The following TENM4 variants were observed in gnomAD, a reference collection of about 807,000 sequenced individuals.
TENM4 encodes the protein teneurin-4.
Under a neutral mutation model 243.3 loss-of-function variants are expected in TENM4, and 82 were observed. That is an observed-to-expected ratio of 0.34 (90% confidence interval 0.28 to 0.40). TENM4 has a LOEUF of 0.40. Among genes scored for constraint, TENM4 ranks in the 10% least tolerant of loss-of-function variants. TENM4 has a pLI of 1.00. For missense variants in TENM4, 3,138 were observed against 3,673.3 expected (o/e 0.85, Z 3.77); for synonymous variants, 1,412 against 1,456.3 (o/e 0.97, Z 0.69).
chr11:79,411,741 A>C (rs1019977271), intron 1 of TENM4, among the ~76,000 whole-genome samples: 2 of 152,146 alleles, frequency 1.3e-5, no homozygotes, highest in African/African-American at 4.8e-5. Context: ...CACAGTTGTA[A>C]GCTCAGGAAG....
At chr11:79,038,372 C>T (rs76565741) in intron 6 of TENM4, among the ~76,000 whole-genome samples, 3,172 of 152,318 alleles carry the variant, frequency 0.021, 114 homozygotes, top group African/African-American at 0.072. Flanking sequence ...GCAAACTCCT[C>T]CTCTGGGACT....
At chr11:79,306,519 G>A (rs773548422) in intron 1 of TENM4, among the ~76,000 whole-genome samples, 8 of 152,186 alleles carry the variant, frequency 5.3e-5, no homozygotes, top group Non-Finnish European at 1.0e-4. Flanking sequence ...GAAGACCAGG[G>A]CAAGATAGGT....
chr11:78,792,693 T>C (rs538945853), intron 15 of TENM4, among the ~76,000 whole-genome samples: 7 of 152,310 alleles, frequency 4.6e-5, no homozygotes, highest in South Asian at 4.2e-4. Flanking sequence ...AAAGCTTTAA[T>C]GGAAGAGGTG....
chr11:79,369,437 C>T (rs1352978638), intron 1 of TENM4, among the ~76,000 whole-genome samples: 17 of 152,134 alleles, frequency 1.1e-4, no homozygotes. Flanking sequence ...TTTACCCTTC[C>T]CAAGGACCAG....
intron 4 of TENM4, among the ~76,000 whole-genome samples, chr11:79,100,645 C>T (rs1382632714): frequency 6.6e-6 from 1 of 152,124 alleles, no homozygotes; most frequent in Non-Finnish European, 1.5e-5. Context: ...CAGTAAATAT[C>T]TGTAGAAGCA....
chr11:78,812,302 G>A lies in TENM4; in HGVS notation c.1798C>T (p.Leu600Phe). 7 of 1,551,702 alleles carry A rather than the reference G, an allele frequency of 4.5e-6. No homozygotes were observed. Among genetic ancestry groups the A allele is most frequent in the Non-Finnish European group, 6.1e-6 (7 of 1,146,942 alleles). Residue 600 changes from leucine (L) to phenylalanine (F), a missense_variant, in exon 14 of 34, where the codon CTC (leucine) becomes TTC (phenylalanine). By Grantham distance (22) the Leu-to-Phe change is conservative (BLOSUM62 0). This residue lies in a region of TENM4 where 2,467 missense variants were observed against 3,059.1 expected (regional missense o/e 0.81). Coordinates refer to ENST00000278550, the MANE Select transcript of TENM4 (RefSeq NM_001098816.3). ...PDCGRASCPV[L>F]CSGNGQYMKG... ...ATGTATTGGCCATTTCCGCTACAGA[G>A]CACGGGGCAGGAGGCTGGGGAGACA...
intron 1 of TENM4, chr11:79,439,035 C>T (rs1158788717): frequency 6.6e-6 from 1 of 152,040 alleles, no homozygotes; most frequent in Non-Finnish European, 1.5e-5. Context: ...CGGGTAATCA[C>T]CGAGGCAGCT....
intron 29 of TENM4, among the ~76,000 whole-genome samples, chr11:78,686,797 T>C (rs774599571): frequency 6.6e-6 from 1 of 152,216 alleles, no homozygotes; most frequent in South Asian, 2.1e-4. Flanking sequence ...TTAAAGGTGC[T>C]TGGTGAAGAA....
intron 5 of TENM4, 132 bp from the exon 6 acceptor site, chr11:79,065,139 T>C: frequency 7.3e-7 from 1 of 1,361,380 alleles, no homozygotes; most frequent in Non-Finnish European, 9.6e-7. Flanking sequence ...TCTATGCCCA[T>C]GCCTTTGTTC....
At chr11:78,845,194 G>A (rs1369221058) in intron 12 of TENM4, among the ~76,000 whole-genome samples, 2 of 152,162 alleles carry the variant, frequency 1.3e-5, no homozygotes, top group African/African-American at 2.4e-5. Context: ...GGCTCTTTGA[G>A]GGCAAAGCTT....
At chr11:79,251,354 A>G (rs1855609167) in intron 2 of TENM4, among the ~76,000 whole-genome samples, 1 of 152,372 alleles carries the variant, frequency 6.6e-6, no homozygotes, top group East Asian at 1.9e-4. Context: ...CCTATGATGT[A>G]TAAAAACTCA....
intron 17 of TENM4, among the ~76,000 whole-genome samples, chr11:78,773,428 A>G (rs907183839): frequency 6.6e-6 from 1 of 152,188 alleles, no homozygotes. Context: ...CTCAAAGACA[A>G]TATCTGAATC....
chr11:79,112,152 C>A lies in TENM4; in HGVS notation c.-66+36558G>T, dbSNP rs183954526. The stretch of plus-strand genomic sequence containing the variant: ...CGCCATCAGCAGTGCCATCTTTGGA[C>A]ACTTGAAAGAGATGCACGTGTGCGC... On this transcript the variant is annotated intron_variant, in intron 4 of 33. Transcript: ENST00000278550. Among the ~76,000 whole-genome samples, 106 of 152,236 alleles carry A rather than the reference C, an allele frequency of 7.0e-4. 1 individual carries two copies. The East Asian group carries it at 0.016, about 22-fold the overall frequency.
intron 19 of TENM4, among the ~76,000 whole-genome samples, chr11:78,746,717 G>T (rs1378526795): frequency 2.6e-5 from 4 of 152,232 alleles, no homozygotes; most frequent in Non-Finnish European, 4.4e-5. Flanking sequence ...TGGGGACATG[G>T]CTCAGAAATA....
intron 12 of TENM4, among the ~76,000 whole-genome samples, chr11:78,844,876 C>T (rs1401352615): frequency 6.6e-6 from 1 of 152,160 alleles, no homozygotes; most frequent in African/African-American, 2.4e-5. Flanking sequence ...GTTATGGCAG[C>T]CCTAGCAGAC....
intron 18 of TENM4, among the ~76,000 whole-genome samples, chr11:78,766,642 C>T (rs1008604702): frequency 2.0e-5 from 3 of 151,740 alleles, no homozygotes; most frequent in Non-Finnish European, 4.4e-5. Context: ...AACAACCATA[C>T]ATGAAAATAA....
At position 78,740,621 on chromosome 11, in the gene TENM4, A is replaced by C. The variant is rs538781216; in HGVS notation, c.2757-2051T>G. 2.2e-3 allele frequency among the ~76,000 whole-genome samples: 333 copies of C among 152,298 alleles called. 1 individual carries two copies. Among genetic ancestry groups the C allele is most frequent in the Non-Finnish European group, 4.0e-3 (272 of 68,016 alleles). On this transcript the variant is annotated intron_variant, in intron 19 of 33. Coordinates refer to ENST00000278550, the MANE Select transcript of TENM4 (RefSeq NM_001098816.3). ...TGTTTTCTTTAATGGAGGACAATTGAATTTCGTATTGCTGGAACTCTGTCC... is the reference window on the plus strand; with the variant it reads ...TGTTTTCTTTAATGGAGGACAATTGCATTTCGTATTGCTGGAACTCTGTCC...
intron 6 of TENM4, among the ~76,000 whole-genome samples, chr11:78,980,357 A>G (rs1001026235): frequency 6.6e-6 from 1 of 152,212 alleles, no homozygotes; most frequent in Non-Finnish European, 1.5e-5. Flanking sequence ...GTCAATCAAC[A>G]TGGCCAATGT....
At chr11:79,284,273 C>T (rs7935552) in intron 2 of TENM4, among the ~76,000 whole-genome samples, 1,927 of 152,226 alleles carry the variant, frequency 0.013, 34 homozygotes, top group African/African-American at 0.045. Context: ...AGAAGAACAA[C>T]GTTGGAGGAA....
Sources: gnomAD v4.1 joint callset for allele counts (sites outside exome capture counted in the v4.1 genomes callset) on GRCh38, gnomAD v4.1.1 for gene constraint, gnomAD v4.1.1 regional missense constraint, MANE v1.5 for transcripts, NCBI Gene and HGNC (gene_info 2026-07-23, HGNC 2026-07-21) for gene names.